The following AGO3 variants were observed in gnomAD, a reference collection of about 807,000 sequenced individuals.
AGO3 encodes the protein protein argonaute-3.
A neutral mutation model predicts 105.5 loss-of-function variants in AGO3; 16 were observed. The observed-to-expected ratio is 0.15, with a 90% CI of 0.10 to 0.23. The LOEUF is 0.23. Among genes scored for constraint, AGO3 ranks in the 10% least tolerant of loss-of-function variants. The pLI is 1.00. For synonymous variants in AGO3, 340 were observed against 367.3 expected (o/e 0.93, Z 0.85); for missense variants, 534 against 1,088.0 (o/e 0.49, Z 7.16).
chr1:36,040,596 AT>A (rs1310441441), intron 16 of AGO3, among the ~76,000 whole-genome samples, 155 bp downstream of exon 16: 14 of 152,198 alleles, frequency 9.2e-5, no homozygotes, highest in South Asian at 2.1e-4. Context: ...ATCAAAATAG[AT>A]TATTTTTAAC....
chr1:35,941,246 C>T (rs186738035), intron 1 of AGO3, among the ~76,000 whole-genome samples: 33 of 152,148 alleles, frequency 2.2e-4, no homozygotes, highest in African/African-American at 6.3e-4. Context: ...TCAGGCCTAC[C>T]TTCTAAATGT....
rs536382278 is a variant in AGO3 at position 35,933,137 on chromosome 1, A to G, written c.19+1692A>G. Among the ~76,000 whole-genome samples, 7 of 152,326 alleles carry G rather than the reference A, an allele frequency of 4.6e-5. No individual in the cohort carries two copies. The South Asian group carries it at 1.5e-3, about 32-fold the overall frequency. ...TTCACATTTGGGGAAGTGTGTAGTT[A>G]GATTATCAACTATATGCCTGGGTCT... On this transcript the variant is annotated intron_variant, in intron 1 of 18. Transcript: ENST00000373191.
At chr1:36,003,709 A>AAAAAAAAAATAT (rs1295618675) in intron 5 of AGO3, among the ~76,000 whole-genome samples, 245 of 99,394 alleles carry the variant, frequency 2.5e-3, no homozygotes, top group Non-Finnish European at 3.9e-3. Context: ...AAAAAAAAAA[A>AAAAAAAAAATAT]ATATATATAT....
chr1:35,959,946 T>G (rs1211588124), intron 2 of AGO3, among the ~76,000 whole-genome samples: 1 of 152,082 alleles, frequency 6.6e-6, no homozygotes, highest in Non-Finnish European at 1.5e-5. Flanking sequence ...TAATATTCCA[T>G]TTGGTTCCTG....
chr1:35,945,225 T>A (rs1471025220), intron 1 of AGO3, among the ~76,000 whole-genome samples: 3 of 151,824 alleles, frequency 2.0e-5, no homozygotes, highest in Non-Finnish European at 4.4e-5. Context: ...TTTTTTTTTT[T>A]AAATAGAGAC....
chr1:36,054,526 T>G (rs545614196), intron 17 of AGO3, among the ~76,000 whole-genome samples: 1 of 152,260 alleles, frequency 6.6e-6, no homozygotes, highest in South Asian at 2.1e-4. Flanking sequence ...CCCTCCCACT[T>G]TAACCTCCCA....
intron 2 of AGO3, among the ~76,000 whole-genome samples, chr1:35,957,563 T>C (rs1646592501): frequency 6.6e-6 from 1 of 151,686 alleles, no homozygotes; most frequent in East Asian, 1.9e-4. Flanking sequence ...CCGTCTCTAC[T>C]AAAAATGCAA....
intron 5 of AGO3, among the ~76,000 whole-genome samples, chr1:36,002,559 T>C (rs893040087): frequency 2.0e-5 from 3 of 151,952 alleles, no homozygotes; most frequent in African/African-American, 4.8e-5. Context: ...TTTGAACTCC[T>C]GAGCTCAGGC....
intron 3 of AGO3, among the ~76,000 whole-genome samples, chr1:35,967,538 C>G (rs1384976026): frequency 6.6e-6 from 1 of 151,944 alleles, no homozygotes; most frequent in Non-Finnish European, 1.5e-5. Context: ...CCTCAGCGTC[C>G]TGAGTAGCTG....
chr1:36,036,360 G>T, intron 14 of AGO3, 93 bp downstream of exon 14: 1 of 1,208,888 alleles, frequency 8.3e-7, no homozygotes, highest in Non-Finnish European at 1.2e-6. Context: ...TTTCTTTGTA[G>T]CCAACTTTCA....
intron 17 of AGO3, among the ~76,000 whole-genome samples, chr1:36,051,630 G>A (rs1395380566): frequency 6.6e-6 from 1 of 152,114 alleles, no homozygotes; most frequent in Non-Finnish European, 1.5e-5. Context: ...AGAGGTGGGA[G>A]GATCACTGGA....
rs1569906171 is a variant in AGO3 at position 36,040,613 on chromosome 1, A to G, written c.2172+172A>G. 2.6e-5 allele frequency among the ~76,000 whole-genome samples: 4 copies of G among 152,232 alleles called. No homozygotes were observed. In the South Asian group the frequency reaches 8.3e-4, roughly 31 times the overall value. ...CAAAATAGATTATTTTTAACTTTCT[A>G]GAATTTCTAGTCACACTCCAAATAT... On this transcript the variant is annotated intron_variant, in intron 16 of 18. Coordinates refer to ENST00000373191, the MANE Select transcript of AGO3 (RefSeq NM_024852.4).
chr1:35,950,637 G>A (rs1280173293), intron 2 of AGO3, among the ~76,000 whole-genome samples: 1 of 152,094 alleles, frequency 6.6e-6, no homozygotes, highest in Non-Finnish European at 1.5e-5. Flanking sequence ...TGTTAAAAGA[G>A]TATGTATGTT....
intron 12 of AGO3, among the ~76,000 whole-genome samples, chr1:36,032,745 T>A (rs995197878): frequency 2.0e-5 from 3 of 152,004 alleles, no homozygotes; most frequent in Non-Finnish European, 2.9e-5. Context: ...ATCCCAGCAC[T>A]TTGGGAGGCC....
chr1:36,002,263 G>T (rs1437959853), intron 5 of AGO3, among the ~76,000 whole-genome samples: 1 of 150,108 alleles, frequency 6.7e-6, no homozygotes, highest in African/African-American at 2.5e-5. Context: ...AGTGATCAAT[G>T]CACCTTGGGC....
chr1:35,966,310 A>G (rs998747250), intron 2 of AGO3, among the ~76,000 whole-genome samples: 4 of 152,146 alleles, frequency 2.6e-5, no homozygotes, highest in Non-Finnish European at 5.9e-5. Flanking sequence ...TGTGTACAAA[A>G]AATACGTATT....
chr1:35,986,938 G>T (rs964094945), intron 5 of AGO3, among the ~76,000 whole-genome samples: 8 of 151,918 alleles, frequency 5.3e-5, no homozygotes, highest in Non-Finnish European at 1.0e-4. Context: ...AGAAGTTGCA[G>T]TGAGCTGAGA....
At chr1:35,968,728 T>G (rs929722574) in intron 3 of AGO3, among the ~76,000 whole-genome samples, 2 of 152,176 alleles carry the variant, frequency 1.3e-5, no homozygotes, top group Non-Finnish European at 2.9e-5. Flanking sequence ...GAACTCTGCT[T>G]TCGGTTCTTT....
intron 11 of AGO3, among the ~76,000 whole-genome samples, chr1:36,019,504 G>A (rs1326212228): frequency 1.3e-5 from 2 of 152,168 alleles, no homozygotes; most frequent in Non-Finnish European, 2.9e-5. Flanking sequence ...TGTTCTATGA[G>A]AGAAACACAT....
Sources: allele counts gnomAD v4.1 joint callset (sites outside exome capture counted in the v4.1 genomes callset), GRCh38; gene constraint gnomAD v4.1.1; transcripts MANE v1.5; gene names NCBI Gene and HGNC (gene_info 2026-07-23, HGNC 2026-07-21).